NAV2: variants seen among roughly 807,000 people sequenced by gnomAD.
NAV2 encodes the protein helicase, APC down-regulated 1.
A neutral mutation model predicts 223.2 loss-of-function variants in NAV2; 54 were observed. That is an observed-to-expected ratio of 0.24 (90% CI 0.19 to 0.30). NAV2 has a LOEUF of 0.30. Ranked by LOEUF, NAV2 falls within the 10% of genes least tolerant of loss-of-function variation. The pLI, the probability that NAV2 is intolerant of heterozygous loss-of-function variation, is 1.00. For missense variants in NAV2, 2,806 were observed against 3,147.5 expected (o/e 0.89, Z 2.60); for synonymous variants, 1,279 against 1,239.3 (o/e 1.03, Z -0.67).
chr11:19,516,057 G>T (rs1471550199), intron 1 of NAV2, among the ~76,000 whole-genome samples: 3 of 152,218 alleles, frequency 2.0e-5, no homozygotes, highest in Admixed American at 2.0e-4. Context: ...AGTCAAATAG[G>T]CAGCTGGAGT....
At chr11:19,628,265 AG>A (rs2047231022) in intron 1 of NAV2, among the ~76,000 whole-genome samples, 1 of 152,222 alleles carries the variant, frequency 6.6e-6, no homozygotes. Context: ...GGAATGGGAA[AG>A]GGAGAATGTT....
chr11:19,739,030 A>C (rs2052574258), intron 1 of NAV2, among the ~76,000 whole-genome samples: 1 of 152,140 alleles, frequency 6.6e-6, no homozygotes, highest in Non-Finnish European at 1.5e-5. Flanking sequence ...AAAATACAAA[A>C]ATTAGCTGGG....
At position 20,103,226 on chromosome 11, in the gene NAV2, T is replaced by C. The variant is rs572410560; in HGVS notation, c.6418-29T>C. ...TTCACTGAGTGCATTCACCCACTTG[T>C]TCTCCTTCGGCCTTCCTGGCCACCA... On this transcript the variant is annotated intron_variant, in intron 32 of 37. Transcript: ENST00000349880. 47 of 1,594,874 alleles carry C rather than the reference T, an allele frequency of 2.9e-5. No homozygotes were observed. The South Asian group carries it at 4.9e-4, about 17-fold the overall frequency.
intron 1 of NAV2, among the ~76,000 whole-genome samples, chr11:19,669,686 CT>C (rs1190290274): frequency 6.6e-6 from 1 of 152,234 alleles, no homozygotes; most frequent in Non-Finnish European, 1.5e-5. Context: ...CCAGAAGCAC[CT>C]GGCTGAGTGG....
chr11:20,034,479 A>G (rs1456379452), intron 11 of NAV2, among the ~76,000 whole-genome samples: 1 of 151,508 alleles, frequency 6.6e-6, no homozygotes, highest in African/African-American at 2.4e-5. Context: ...TCCCGGGTTC[A>G]AGCAATCATC....
At chr11:19,605,066 A>G (rs1357406595) in intron 1 of NAV2, among the ~76,000 whole-genome samples, 2 of 152,166 alleles carry the variant, frequency 1.3e-5, no homozygotes, top group Non-Finnish European at 2.9e-5. Context: ...TACATTGGTT[A>G]ACTTACCCAA....
At chr11:19,946,684 A>C (rs903315788) in intron 9 of NAV2, among the ~76,000 whole-genome samples, 175 bp downstream of exon 9, 1 of 152,198 alleles carries the variant, frequency 6.6e-6, no homozygotes. Context: ...ATAGGAAATA[A>C]AAAATTAGTA....
chr11:20,078,536 G>A (rs1000767745), intron 24 of NAV2, among the ~76,000 whole-genome samples: 5 of 152,094 alleles, frequency 3.3e-5, no homozygotes, highest in Non-Finnish European at 7.4e-5. Context: ...TTGGCTCACT[G>A]CAACCTCTAC....
At chr11:19,857,435 C>T (rs1356079135) in intron 3 of NAV2, among the ~76,000 whole-genome samples, 1 of 152,130 alleles carries the variant, frequency 6.6e-6, no homozygotes, top group East Asian at 1.9e-4. Flanking sequence ...CAACTCTTGC[C>T]CAGGAGACTA....
intron 1 of NAV2, among the ~76,000 whole-genome samples, chr11:19,676,651 A>G (rs538817659): frequency 6.6e-6 from 1 of 152,158 alleles, no homozygotes; most frequent in South Asian, 2.1e-4. Context: ...CATGCACTCT[A>G]TGGGGTGGAG....
chr11:19,869,820 G>A (rs1254499679), intron 4 of NAV2, among the ~76,000 whole-genome samples: 3 of 152,216 alleles, frequency 2.0e-5, no homozygotes, highest in Non-Finnish European at 4.4e-5. Flanking sequence ...GACTCTGGTG[G>A]TCAGAGTGGG....
At chr11:20,082,961 A>G in intron 25 of NAV2, 46 bp from the exon 26 acceptor site, 2 of 1,561,890 alleles carry the variant, frequency 1.3e-6, no homozygotes, top group Non-Finnish European at 1.7e-6. Flanking sequence ...CCAAGGCCTA[A>G]GCATTGGTTG....
At chr11:19,365,866 T>C (rs10741769) in intron 1 of NAV2, among the ~76,000 whole-genome samples, 150,453 of 152,368 alleles carry the variant, frequency 0.99, 74,311 homozygotes, top group Middle Eastern at 1. Context: ...GTTTATCTTC[T>C]TAGAACAATA....
At chr11:19,685,068 C>T (rs1384983836) in intron 1 of NAV2, among the ~76,000 whole-genome samples, 3 of 152,134 alleles carry the variant, frequency 2.0e-5, no homozygotes, top group African/African-American at 7.2e-5. Context: ...GAGCAAGACC[C>T]AAATGCTGAC....
At chr11:19,367,083 C>A (rs1275106085) in intron 1 of NAV2, among the ~76,000 whole-genome samples, 1 of 152,148 alleles carries the variant, frequency 6.6e-6, no homozygotes, top group Non-Finnish European at 1.5e-5. Context: ...GTGGGAGAAC[C>A]AGCACCAGGC....
At chr11:19,464,722 C>A (rs1168919169) in intron 1 of NAV2, among the ~76,000 whole-genome samples, 1 of 152,182 alleles carries the variant, frequency 6.6e-6, no homozygotes, top group Admixed American at 6.5e-5. Flanking sequence ...GTTAACATGC[C>A]TTGTTCAAAT....
At chr11:20,010,602 C>T (rs575187188) in intron 11 of NAV2, among the ~76,000 whole-genome samples, 1 of 152,214 alleles carries the variant, frequency 6.6e-6, no homozygotes, top group East Asian at 1.9e-4. Flanking sequence ...TTTTAGAAAG[C>T]GCCCAAGTCT....
chr11:19,376,221 G>T (rs1216246437), intron 1 of NAV2, among the ~76,000 whole-genome samples: 3 of 152,100 alleles, frequency 2.0e-5, no homozygotes, highest in Admixed American at 6.5e-5. Context: ...GTGCATTTCT[G>T]GTTATATAAT....
chr11:19,364,600 T>C (rs992101516), intron 1 of NAV2, among the ~76,000 whole-genome samples: 4 of 152,198 alleles, frequency 2.6e-5, no homozygotes, highest in Non-Finnish European at 4.4e-5. Context: ...CTGAAATGTC[T>C]ACCCAGAGCC....
Sources: gnomAD v4.1 joint callset for allele counts (sites outside exome capture counted in the v4.1 genomes callset) on GRCh38, gnomAD v4.1.1 for gene constraint, MANE v1.5 for transcripts, NCBI Gene and HGNC (gene_info 2026-07-23, HGNC 2026-07-21) for gene names.